Variants in TEX11 observed in about 807,000 individuals in gnomAD.
TEX11 encodes testis-expressed protein 11.
In TEX11, 7 loss-of-function variants were observed where a neutral mutation model predicts 84.4. The observed-to-expected ratio is 0.08, with a 90% confidence interval of 0.05 to 0.16. TEX11 has a LOEUF of 0.16. Among genes scored for constraint, TEX11 ranks in the 10% least tolerant of loss-of-function variants. TEX11 has a pLI of 1.00. For synonymous variants in TEX11, 264 were observed against 222.8 expected, an observed-to-expected ratio of 1.18 and a Z score of -1.64; for missense variants, 551 against 660.5, an observed-to-expected ratio of 0.83 and a Z score of 1.82.
intron 25 of TEX11, among the ~76,000 whole-genome samples, chrX:70,578,324 TG>T (rs1185584256): frequency 8.9e-6 from 1 of 112,284 alleles, no homozygotes; most frequent in Non-Finnish European, 1.9e-5. Context: ...GACCATTTGG[TG>T]GTCTTTGTAA....
At chrX:70,755,224 A>G (rs1264864843) in intron 9 of TEX11, among the ~76,000 whole-genome samples, 1 of 112,292 alleles carries the variant, frequency 8.9e-6, no homozygotes, top group Admixed American at 9.4e-5. Flanking sequence ...GAAATTCAAG[A>G]TAACACAGAG....
intron 9 of TEX11, among the ~76,000 whole-genome samples, chrX:70,780,873 G>A (rs2091034514): frequency 8.9e-6 from 1 of 112,543 alleles, no homozygotes; most frequent in African/African-American, 3.2e-5. Context: ...CACCTCTGTG[G>A]ACAGGGCAGA....
chrX:70,873,269 A>G lies in TEX11; in HGVS notation c.198T>C (p.Leu66=). 8.3e-7 allele frequency: 1 copy of G among 1,203,566 alleles called. No individual in the cohort carries two copies. The highest frequency in any genetic ancestry group is 1.1e-6 in the Non-Finnish European group (1 of 888,023). ...EMAVNLWNWA[L]TIGGGWLVNE... ...TTACAAGCCAACCTCCTCCTATGGT[A>G]AGTGCCCAGTTCCATAGGTTTACTG... The change falls in exon 4 of 30, where the codon CTT becomes CTC. Residue 66 remains leucine, a synonymous_variant. Transcript: ENST00000374333.
intron 17 of TEX11, among the ~76,000 whole-genome samples, chrX:70,642,031 T>C (rs1233102578): frequency 1.9e-5 from 2 of 107,143 alleles, no homozygotes; most frequent in East Asian, 2.9e-4. Flanking sequence ...GCAAGACTAA[T>C]AAAGAAAAAA....
At chrX:70,657,956 A>G (rs1297612670) in intron 16 of TEX11, among the ~76,000 whole-genome samples, 2 of 97,129 alleles carry the variant, frequency 2.1e-5, no homozygotes, top group Non-Finnish European at 4.2e-5. Context: ...GGATAGCATT[A>G]GGAGATATAC....
chrX:70,642,092 C>T (rs1466549965), intron 17 of TEX11, among the ~76,000 whole-genome samples: 1 of 110,356 alleles, frequency 9.1e-6, no homozygotes, highest in African/African-American at 3.3e-5. Context: ...GGGATATCAC[C>T]ACCGATCCCA....
intron 22 of TEX11, among the ~76,000 whole-genome samples, chrX:70,607,242 A>G (rs912303124): frequency 9.0e-6 from 1 of 111,327 alleles, no homozygotes; most frequent in Admixed American, 9.5e-5. Context: ...CACTAGACCA[A>G]TGACCAAGGG....
intron 25 of TEX11, among the ~76,000 whole-genome samples, chrX:70,575,120 G>A (rs2088656935): frequency 9.0e-6 from 1 of 111,251 alleles, no homozygotes; most frequent in Non-Finnish European, 1.9e-5. Flanking sequence ...GACATGAACT[G>A]ACTTATGTTA....
At chrX:70,578,532 G>A (rs965538767) in intron 25 of TEX11, among the ~76,000 whole-genome samples, 3 of 111,578 alleles carry the variant, frequency 2.7e-5, no homozygotes, top group African/African-American at 9.8e-5. Flanking sequence ...AGCTGAAATT[G>A]TAGATCAGAA....
chrX:70,697,530 G>A (rs985117961), intron 13 of TEX11, among the ~76,000 whole-genome samples: 1 of 111,813 alleles, frequency 8.9e-6, no homozygotes, highest in Non-Finnish European at 1.9e-5. Flanking sequence ...AAACTGTCTT[G>A]CAATTTACTC....
At chrX:70,706,531 A>G (rs776487953) in intron 13 of TEX11, among the ~76,000 whole-genome samples, 1 of 111,285 alleles carries the variant, frequency 9.0e-6, no homozygotes, top group African/African-American at 3.3e-5. Flanking sequence ...AATGCCAAAT[A>G]GGTAGGCAAG....
At chrX:70,787,179 T>C (rs2091084824) in intron 9 of TEX11, among the ~76,000 whole-genome samples, 1 of 111,987 alleles carries the variant, frequency 8.9e-6, no homozygotes, top group Admixed American at 9.5e-5. Flanking sequence ...ATTTTTTCAT[T>C]ATAAAACTCT....
At chrX:70,820,339 G>A (rs2147821250) in intron 8 of TEX11, among the ~76,000 whole-genome samples, 1 of 112,252 alleles carries the variant, frequency 8.9e-6, no homozygotes, top group South Asian at 3.7e-4. Context: ...TTCAGTCAGT[G>A]TTGATGGATA....
rs751434808 is a variant in TEX11, at chrX:70,673,866, T to C, written c.1243-3352A>G. ...TTGAATAGGGTAATTCTTTCTGTTC[T>C]ATTCTCTCTCAGGTTGTTTTGGCTA... On this transcript the variant is annotated intron_variant, in intron 15 of 29. Transcript: ENST00000374333. Among the ~76,000 whole-genome samples the C allele has an allele frequency of 4.5e-5, 5 of 112,262 alleles. No homozygotes were observed. In the South Asian group the frequency reaches 1.5e-3, roughly 33 times the overall value.
chrX:70,623,853 A>G, intron 20 of TEX11, 97 bp downstream of exon 20: 1 of 731,877 alleles, frequency 1.4e-6, no homozygotes, highest in Non-Finnish European at 2.0e-6. Context: ...TATTGATCTT[A>G]CCCACTACAC....
chrX:70,867,281 A>G (rs1341530967), intron 4 of TEX11, among the ~76,000 whole-genome samples: 2 of 111,551 alleles, frequency 1.8e-5, no homozygotes, highest in Non-Finnish European at 3.8e-5. Flanking sequence ...CAACTGCTAC[A>G]CAGAGAATAA....
the TEX11 span, among the ~76,000 whole-genome samples, chrX:70,515,411 G>A: frequency 2.7e-5 from 3 of 110,774 alleles, no homozygotes; most frequent in African/African-American, 9.9e-5. Flanking sequence ...GAGAATGATG[G>A]TTTCTAGCTT....
intron 9 of TEX11, among the ~76,000 whole-genome samples, chrX:70,792,851 G>A (rs966922468): frequency 1.8e-5 from 2 of 110,885 alleles, no homozygotes; most frequent in African/African-American, 3.3e-5. Context: ...CATCCTGATG[G>A]TGGCATCATC....
chrX:70,862,470 A>C (rs902420752), intron 4 of TEX11, among the ~76,000 whole-genome samples: 6 of 111,786 alleles, frequency 5.4e-5, no homozygotes, highest in African/African-American at 1.3e-4. Context: ...AAATGGTCAG[A>C]TTTTTATTGC....
Sources: gnomAD v4.1 joint callset for allele counts (sites outside exome capture counted in the v4.1 genomes callset) on GRCh38, gnomAD v4.1.1 for gene constraint, MANE v1.5 for transcripts, NCBI Gene and HGNC (gene_info 2026-07-23, HGNC 2026-07-21) for gene names.